TEK: variants seen among roughly 807,000 people sequenced by gnomAD.
The protein encoded by TEK is TEK receptor tyrosine kinase.
TEK carries 43 observed loss-of-function variants against 131.8 expected under a neutral mutation model. That is an observed-to-expected ratio of 0.33 (90% CI 0.26 to 0.42). TEK has a LOEUF of 0.42. Among genes scored for constraint, TEK ranks in the 10% least tolerant of loss-of-function variants. The pLI, the probability that TEK is intolerant of heterozygous loss-of-function variation, is 1.00. For synonymous variants in TEK, 580 were observed against 491.6 expected, an observed-to-expected ratio of 1.18 and a Z score of -2.38; for missense variants, 1,162 against 1,384.4, an observed-to-expected ratio of 0.84 and a Z score of 2.55.
At chr9:27,131,587 A>G (rs1283935089) in intron 1 of TEK, among the ~76,000 whole-genome samples, 1 of 150,574 alleles carries the variant, frequency 6.6e-6, no homozygotes, top group Non-Finnish European at 1.5e-5. Flanking sequence ...TGTTGGGAGG[A>G]TCGTTTGAGC....
chr9:27,114,915 C>T (rs1278030735), intron 1 of TEK, among the ~76,000 whole-genome samples: 1 of 152,162 alleles, frequency 6.6e-6, no homozygotes, highest in East Asian at 1.9e-4. Context: ...TTCATTCATT[C>T]ATTCACTCAT....
chr9:27,211,392 T>TG (rs1351805681), intron 16 of TEK, among the ~76,000 whole-genome samples: 3 of 69,120 alleles, frequency 4.3e-5, no homozygotes, highest in Admixed American at 3.5e-4. Context: ...ATTACTTTTC[T>TG]TTTTTGCTAG....
intron 2 of TEK, among the ~76,000 whole-genome samples, chr9:27,163,002 G>C (rs1042068736): frequency 6.6e-6 from 1 of 152,186 alleles, no homozygotes; most frequent in South Asian, 2.1e-4. Flanking sequence ...GCGTGAGCCA[G>C]TGCGCCCAGC....
At chr9:27,222,736 C>T (rs567976343) in intron 21 of TEK, among the ~76,000 whole-genome samples, 11 of 152,236 alleles carry the variant, frequency 7.2e-5, no homozygotes, top group African/African-American at 1.4e-4. Context: ...AAGGAAAACC[C>T]GGTACCAGCC....
At chr9:27,139,743 T>C (rs964208186) in intron 1 of TEK, among the ~76,000 whole-genome samples, 12 of 152,128 alleles carry the variant, frequency 7.9e-5, no homozygotes, top group Non-Finnish European at 1.2e-4. Context: ...GAGTATTGTA[T>C]GGAAAATTTC....
At chr9:27,149,452 TAATAAA>T (rs149947956) in intron 1 of TEK, among the ~76,000 whole-genome samples, 6,376 of 152,272 alleles carry the variant, frequency 0.042, 185 homozygotes, top group Middle Eastern at 0.065. Flanking sequence ...ATGTATTATA[TAATAAA>T]AATTGTCAGC....
intron 21 of TEK, among the ~76,000 whole-genome samples, chr9:27,222,356 C>T (rs1335679389): frequency 2.0e-5 from 3 of 152,098 alleles, no homozygotes; most frequent in African/African-American, 4.8e-5. Flanking sequence ...TCACAAAATA[C>T]AGAGACCACC....
intron 1 of TEK, among the ~76,000 whole-genome samples, chr9:27,137,124 C>A (rs7847280): frequency 4.0e-5 from 6 of 151,676 alleles, no homozygotes; most frequent in Admixed American, 1.3e-4. Context: ...CACCATGTTC[C>A]CCAAGATGGT....
At chr9:27,184,856 A>C (rs1055301980) in intron 8 of TEK, among the ~76,000 whole-genome samples, 4 of 152,012 alleles carry the variant, frequency 2.6e-5, no homozygotes, top group African/African-American at 9.7e-5. Flanking sequence ...TGGGCAACAT[A>C]GCAAGACCCC....
intron 21 of TEK, among the ~76,000 whole-genome samples, chr9:27,226,689 G>A (rs12350095): frequency 0.47 from 71,550 of 151,422 alleles, 17,022 homozygotes; most frequent in Admixed American, 0.57. Context: ...AAACCTGCAT[G>A]TTCTCCACAT....
At chr9:27,208,220 T>C (rs927177190) in intron 15 of TEK, among the ~76,000 whole-genome samples, 2 of 152,210 alleles carry the variant, frequency 1.3e-5, no homozygotes, top group African/African-American at 4.8e-5. Flanking sequence ...GCTTCTGTAG[T>C]ATGAACAGAG....
At chr9:27,209,862 T>C (rs1252907869) in intron 16 of TEK, among the ~76,000 whole-genome samples, 1 of 152,242 alleles carries the variant, frequency 6.6e-6, no homozygotes, top group Non-Finnish European at 1.5e-5. Context: ...ATGTAATTAC[T>C]GGTGAGTGAG....
Position 27,174,848 on chromosome 9 carries a change from G to A in TEK, c.901+1486G>A, listed in dbSNP as rs80060516. Among the ~76,000 whole-genome samples the A allele has an allele frequency of 7.8e-3, 1,194 of 152,196 alleles. 19 individuals carry two copies. Among genetic ancestry groups the A allele is most frequent in the African/African-American group, 0.027 (1,121 of 41,520 alleles). On this transcript the variant is annotated intron_variant, in intron 6 of 22. Transcript: ENST00000380036. ...CTTGTATTTTAAAAAAAATTAAAATGTTACGCAAACTATGAACACTTTGCT... is the reference window on the plus strand; with the variant it reads ...CTTGTATTTTAAAAAAAATTAAAATATTACGCAAACTATGAACACTTTGCT...
chr9:27,113,368 AT>A (rs1821421960), intron 1 of TEK, among the ~76,000 whole-genome samples: 3 of 152,138 alleles, frequency 2.0e-5, no homozygotes, highest in African/African-American at 7.2e-5. Context: ...AGGCAGGTGG[AT>A]CATGAGGTCA....
chr9:27,110,754 C>G (rs1009139513), intron 1 of TEK, among the ~76,000 whole-genome samples: 2 of 152,000 alleles, frequency 1.3e-5, no homozygotes, highest in African/African-American at 4.8e-5. Flanking sequence ...CTCTCAACAA[C>G]CAATATTTTG....
intron 1 of TEK, among the ~76,000 whole-genome samples, chr9:27,139,437 G>C (rs1043078819): frequency 1.4e-5 from 2 of 142,606 alleles, no homozygotes; most frequent in African/African-American, 5.2e-5. Flanking sequence ...AAGCGATCCT[G>C]CCTCAGCCTC....
At chr9:27,129,647 C>T (rs1445051444) in intron 1 of TEK, among the ~76,000 whole-genome samples, 1 of 152,146 alleles carries the variant, frequency 6.6e-6, no homozygotes, top group African/African-American at 2.4e-5. Flanking sequence ...AAATATTCAC[C>T]CAATAAAATA....
chr9:27,139,359 ACT>A (rs1319902754), intron 1 of TEK, among the ~76,000 whole-genome samples: 2 of 97,100 alleles, frequency 2.1e-5, no homozygotes, highest in African/African-American at 8.6e-5. Flanking sequence ...ACTGAGTCTC[ACT>A]CTGTCGCCCA....
chr9:27,219,856 C>T (rs1211243366), intron 20 of TEK, among the ~76,000 whole-genome samples, 193 bp from the exon 21 acceptor site: 1 of 152,152 alleles, frequency 6.6e-6, no homozygotes, highest in Non-Finnish European at 1.5e-5. Flanking sequence ...AAGCAATGAT[C>T]ATGCTTTGGC....
Sources: gnomAD v4.1 joint callset for allele counts (sites outside exome capture counted in the v4.1 genomes callset) on GRCh38, gnomAD v4.1.1 for gene constraint, MANE v1.5 for transcripts, NCBI Gene and HGNC (gene_info 2026-07-23, HGNC 2026-07-21) for gene names.